Variants in SI observed in about 807,000 individuals in gnomAD.
SI encodes sucrase-isomaltase, intestinal.
In SI, 235 loss-of-function variants were observed where a neutral mutation model predicts 253.3. That is an observed-to-expected ratio of 0.93 (90% CI 0.83 to 1.03). The LOEUF (loss-of-function observed/expected upper bound fraction) is 1.03. SI is among the 50% of genes least tolerant of loss of function. SI has a pLI of 0.00. For synonymous variants in SI, 819 were observed against 712.0 expected (o/e 1.15, Z -2.39); for missense variants, 2,442 against 2,211.1 (o/e 1.10, Z -2.09).
intron 46 of SI, 37 bp from the exon 47 acceptor site, chr3:164,982,447 A>G (rs773118665): frequency 6.6e-7 from 1 of 1,506,090 alleles, no homozygotes; most frequent in South Asian, 1.1e-5. Context: ...TAAACACTTT[A>G]TTTGCAAAAG....
chr3:165,057,718 C>G (rs1336467741), intron 12 of SI, among the ~76,000 whole-genome samples: 3 of 148,448 alleles, frequency 2.0e-5, no homozygotes, highest in African/African-American at 7.5e-5. Flanking sequence ...AAAAAAAAAA[C>G]TTTTATCTTA....
intron 44 of SI, among the ~76,000 whole-genome samples, chr3:164,990,926 G>C (rs1333399944): frequency 6.6e-6 from 1 of 151,982 alleles, no homozygotes; most frequent in Non-Finnish European, 1.5e-5. Context: ...GCATTGGACG[G>C]CAGGGTTTCT....
intron 26 of SI, among the ~76,000 whole-genome samples, 163 bp downstream of exon 26, chr3:165,023,407 C>A (rs1025530037): frequency 4.6e-5 from 7 of 151,414 alleles, no homozygotes; most frequent in African/African-American, 1.7e-4. Context: ...ATTTATTGGG[C>A]ACCTAGCTAT....
At position 164,992,199 on chromosome 3, in the gene SI, G is replaced by T. The variant is rs150702232; in HGVS notation, c.4961C>A (p.Ala1654Asp). The change falls in exon 43 of 48, where the codon GCT (alanine) becomes GAT (aspartate). Residue 1654 changes from alanine (A) to aspartate (D), a missense_variant. Coordinates refer to ENST00000264382, the MANE Select transcript of SI (RefSeq NM_001041.4). ...VQTVNAYVPNARWFDYHTGKD... is the reference protein window; with the variant it reads ...VQTVNAYVPNDRWFDYHTGKD... ...TACTGTATGGTAGTCAAACCACCGA[G>T]CATTGGGGACGTAGGCATTTACAGT... 5.6e-6 allele frequency: 9 copies of T among 1,611,470 alleles called. No individual in the cohort carries two copies.
At chr3:165,018,938 G>A (rs1368726640) in intron 28 of SI, among the ~76,000 whole-genome samples, 1 of 151,708 alleles carries the variant, frequency 6.6e-6, no homozygotes, top group Non-Finnish European at 1.5e-5. Context: ...CAGACTTATA[G>A]TATGGTACTG....
At chr3:164,980,833 C>T (rs1717150403) in intron 47 of SI, among the ~76,000 whole-genome samples, 1 of 151,796 alleles carries the variant, frequency 6.6e-6, no homozygotes, top group South Asian at 2.1e-4. Context: ...TTTATTTTTA[C>T]CATAAAAGTT....
chr3:165,068,773 G>C lies in SI; in HGVS notation c.432C>G (p.Asn144Lys), dbSNP rs752904026. Residue 144 changes from asparagine (N) to lysine (K), a missense_variant, in exon 5 of 48, where the codon AAC (asparagine) becomes AAG (lysine). Transcript: ENST00000264382. ...GATTTTGAGTTGTGAAGAGAACACT[G>C]TTGATGTCATTTCCAAATAGTGTAG... Reference protein sequence around the residue: ...PSPTLFGNDINSVLFTTQNQT... With the variant: ...PSPTLFGNDIKSVLFTTQNQT... 1.2e-6 allele frequency: 2 copies of C among 1,613,866 alleles called. No individual in the cohort carries two copies. Among genetic ancestry groups the C allele is most frequent in the South Asian group, 2.2e-5 (2 of 91,086 alleles).
chr3:165,035,071 C>G (rs1712463445), intron 22 of SI, among the ~76,000 whole-genome samples: 1 of 151,870 alleles, frequency 6.6e-6, no homozygotes, highest in Non-Finnish European at 1.5e-5. Context: ...AATGAAGTTA[C>G]CATCAACTGA....
intron 34 of SI, among the ~76,000 whole-genome samples, chr3:165,010,685 A>G (rs1224596935): frequency 1.3e-5 from 2 of 152,088 alleles, no homozygotes; most frequent in African/African-American, 2.4e-5. Flanking sequence ...AACTTATTCT[A>G]TTAGCTGGCT....
At chr3:165,032,340 A>G (rs1246989471) in intron 24 of SI, among the ~76,000 whole-genome samples, 182 bp downstream of exon 24, 2 of 151,220 alleles carry the variant, frequency 1.3e-5, no homozygotes, top group Non-Finnish European at 3.0e-5. Flanking sequence ...TACAAATTGG[A>G]TTGACATAAA....
intron 43 of SI, 36 bp downstream of exon 43, chr3:164,992,141 G>C: frequency 6.5e-7 from 1 of 1,540,316 alleles, no homozygotes; most frequent in Non-Finnish European, 9.0e-7. Flanking sequence ...ACCCGTTTCT[G>C]TTTAGTTAAT....
At chr3:165,005,562 A>G (rs1423125583) in intron 37 of SI, among the ~76,000 whole-genome samples, 1 of 152,176 alleles carries the variant, frequency 6.6e-6, no homozygotes, top group Non-Finnish European at 1.5e-5. Flanking sequence ...CCAGGGATCT[A>G]CAACTGCAGT....
chr3:165,029,461 C>CA (rs1350721286), intron 25 of SI, among the ~76,000 whole-genome samples: 9 of 149,554 alleles, frequency 6.0e-5, no homozygotes, highest in Non-Finnish European at 1.2e-4. Flanking sequence ...AGTAATTATA[C>CA]AAAAAAGATA....
intron 34 of SI, among the ~76,000 whole-genome samples, chr3:165,009,764 A>C (rs1294929493): frequency 6.6e-6 from 1 of 152,190 alleles, no homozygotes; most frequent in East Asian, 1.9e-4. Flanking sequence ...AAAGGGCCAT[A>C]GTATAAAGCC....
chr3:165,059,121 T>TAC (rs199674183), intron 11 of SI, 39 bp from the exon 12 acceptor site: 1 of 1,541,686 alleles, frequency 6.5e-7, no homozygotes. Flanking sequence ...TCTATTAACT[T>TAC]ACACGTGTAA....
At chr3:165,060,116 A>G in intron 9 of SI, 89 bp from the exon 10 acceptor site, 1 of 1,112,196 alleles carries the variant, frequency 9.0e-7, no homozygotes, top group South Asian at 1.3e-5. Flanking sequence ...TTATTTTCTT[A>G]TATCTCTAAA....
At chr3:165,045,848 AT>A (rs74590097) in intron 16 of SI, among the ~76,000 whole-genome samples, 2,281 of 120,732 alleles carry the variant, frequency 0.019, 17 homozygotes, top group African/African-American at 0.042. Context: ...ATGTTTTTCA[AT>A]TTTTTTTTTT....
At chr3:164,994,957 A>G (rs1169282842) in intron 40 of SI, among the ~76,000 whole-genome samples, 1 of 151,822 alleles carries the variant, frequency 6.6e-6, no homozygotes, top group Non-Finnish European at 1.5e-5. Flanking sequence ...CCAGCTCAAA[A>G]GACTAAAATT....
chr3:165,026,629 A>C (rs940095001), intron 25 of SI, among the ~76,000 whole-genome samples: 1 of 151,438 alleles, frequency 6.6e-6, no homozygotes, highest in Non-Finnish European at 1.5e-5. Context: ...ACTCTCTGAG[A>C]CCACAGTAAA....
Sources: gnomAD v4.1 joint callset for allele counts (sites outside exome capture counted in the v4.1 genomes callset) on GRCh38, gnomAD v4.1.1 for gene constraint, MANE v1.5 for transcripts, NCBI Gene and HGNC (gene_info 2026-07-23, HGNC 2026-07-21) for gene names.